Variants in MTMR12 observed in about 807,000 individuals in gnomAD.
MTMR12 encodes myotubularin-related protein 12.
In MTMR12, 33 loss-of-function variants were observed where a neutral mutation model predicts 96.7. The ratio of observed to expected loss-of-function variants is 0.34; its 90% confidence interval spans 0.26 to 0.46. The LOEUF (loss-of-function observed/expected upper bound fraction) is 0.46, where lower values mean the gene tolerates loss of function less well. Among genes scored for constraint, MTMR12 ranks in the 20% least tolerant of loss-of-function variants. The pLI is 1.00. For missense variants in MTMR12, 721 were observed against 896.1 expected, an observed-to-expected ratio of 0.80 and a Z score of 2.49; for synonymous variants, 298 against 327.2, an observed-to-expected ratio of 0.91 and a Z score of 0.96.
intron 3 of MTMR12, among the ~76,000 whole-genome samples, chr5:32,272,111 G>A (rs987003062): frequency 2.2e-4 from 34 of 152,104 alleles, no homozygotes; most frequent in Non-Finnish European, 3.7e-4. Flanking sequence ...CTAACACGGT[G>A]AAACCCCATC....
In MTMR12 at chr5:32,229,567, A is replaced by G. The variant is rs2111967709; in HGVS notation, c.*211T>C. 2 of 427,226 alleles carry G rather than the reference A, an allele frequency of 4.7e-6. No individual in the cohort carries two copies. The highest frequency in any genetic ancestry group is 3.6e-5 in the East Asian group (1 of 27,620). 26.5% of individuals were successfully genotyped at this position (427,226 alleles called of 1,614,324 possible). A position where few individuals can be genotyped will look rare whatever the true frequency, so the allele number is the denominator to read the frequency against. On this transcript the variant is annotated 3_prime_UTR_variant, in exon 16 of 16. Coordinates refer to ENST00000382142, the MANE Select transcript of MTMR12 (RefSeq NM_001040446.3). ...ACGGGTCAAGTAATAATTCCTTCCA[A>G]TTAGTAATACTACAGATGCGGTTTT...
At chr5:32,294,260 C>A (rs1011384514) in intron 1 of MTMR12, among the ~76,000 whole-genome samples, 2 of 152,150 alleles carry the variant, frequency 1.3e-5, no homozygotes, top group Non-Finnish European at 2.9e-5. Flanking sequence ...GCTAGATACC[C>A]AAACCACACT....
At chr5:32,296,403 C>T in intron 1 of MTMR12, 1 of 252,764 alleles carries the variant, frequency 4.0e-6, no homozygotes, top group Non-Finnish European at 8.9e-6. Context: ...TGCTTCAGCC[C>T]AGGAGGTTGA....
chr5:32,252,707 A>G (rs569243273), intron 8 of MTMR12, among the ~76,000 whole-genome samples: 4 of 152,344 alleles, frequency 2.6e-5, no homozygotes, highest in Middle Eastern at 6.8e-3. Flanking sequence ...AACAATAATT[A>G]CCAATTACCT....
At chr5:32,303,830 T>G (rs1751238491) in intron 1 of MTMR12, among the ~76,000 whole-genome samples, 1 of 118,854 alleles carries the variant, frequency 8.4e-6, no homozygotes, top group East Asian at 2.7e-4. Context: ...ACAAACTCAC[T>G]GCCCTCTTTG....
intron 1 of MTMR12, among the ~76,000 whole-genome samples, chr5:32,299,836 T>C (rs1751070048): frequency 6.6e-6 from 1 of 152,196 alleles, no homozygotes; most frequent in South Asian, 2.1e-4. Context: ...TGTCACCCAG[T>C]CCTAACACAG....
intron 7 of MTMR12, among the ~76,000 whole-genome samples, chr5:32,258,471 A>C (rs1315697212): frequency 6.6e-6 from 1 of 152,182 alleles, no homozygotes; most frequent in Non-Finnish European, 1.5e-5. Context: ...GAACTATTAA[A>C]TCAGAAGCTT....
chr5:32,276,636 T>C (rs989133892), intron 2 of MTMR12, 46 bp downstream of exon 2: 8 of 1,504,136 alleles, frequency 5.3e-6, no homozygotes, highest in South Asian at 2.3e-5. Context: ...TAATTTATCA[T>C]TGGCTTTGCC....
chr5:32,285,091 C>A (rs1237329711), intron 1 of MTMR12, among the ~76,000 whole-genome samples: 1 of 152,154 alleles, frequency 6.6e-6, no homozygotes, highest in Non-Finnish European at 1.5e-5. Context: ...GGCACAGTGG[C>A]TCACGCCTGT....
chr5:32,254,742 G>T (rs533540220), intron 8 of MTMR12, among the ~76,000 whole-genome samples: 1 of 152,256 alleles, frequency 6.6e-6, no homozygotes, highest in East Asian at 1.9e-4. Flanking sequence ...TACTCGGGAG[G>T]CTGAGGCAGG....
At chr5:32,297,643 A>C (rs762767028) in intron 1 of MTMR12, among the ~76,000 whole-genome samples, 3 of 151,950 alleles carry the variant, frequency 2.0e-5, no homozygotes, top group Non-Finnish European at 2.9e-5. Flanking sequence ...CATTTCTTGA[A>C]GTGCAGTGAA....
chr5:32,268,724 G>A lies in MTMR12; in HGVS notation c.560C>T (p.Ala187Val), dbSNP rs1259407263. ...ACCTGTATTGTTTTGTGCAGCAGTCGCATAGGAAAACAGAAATAATCGTTT... is the reference window on the plus strand; with the variant it reads ...ACCTGTATTGTTTTGTGCAGCAGTCACATAGGAAAACAGAAATAATCGTTT... ...LLKRLFLFSYATAAQNNTVTD... is the reference protein window; with the variant it reads ...LLKRLFLFSYVTAAQNNTVTD... The change falls in exon 6 of 16, where the codon GCG becomes GTG. Residue 187 changes from alanine to valine, a missense_variant. By Grantham distance (64) the Ala-to-Val change is moderately conservative. Coordinates refer to ENST00000382142, the MANE Select transcript of MTMR12 (RefSeq NM_001040446.3). 6 of 1,613,658 alleles carry A rather than the reference G, an allele frequency of 3.7e-6. No individual in the cohort carries two copies. The highest frequency in any genetic ancestry group is 1.7e-4 in the Middle Eastern group (1 of 6,060).
chr5:32,234,518 G>A (rs1051240873), intron 14 of MTMR12, among the ~76,000 whole-genome samples: 2 of 152,212 alleles, frequency 1.3e-5, no homozygotes, highest in African/African-American at 4.8e-5. Flanking sequence ...AAAATCGGAG[G>A]ACATCTGGTC....
intron 8 of MTMR12, among the ~76,000 whole-genome samples, chr5:32,253,963 C>T (rs921106120): frequency 3.3e-5 from 5 of 152,250 alleles, no homozygotes; most frequent in Non-Finnish European, 5.9e-5. Context: ...TCAGGCTCCT[C>T]ACTCGAATCT....
intron 10 of MTMR12, among the ~76,000 whole-genome samples, chr5:32,244,342 C>T (rs980778875): frequency 1.1e-4 from 16 of 151,542 alleles, no homozygotes; most frequent in African/African-American, 3.1e-4. Context: ...GTAATCCCTG[C>T]ACTTTGGGAG....
rs1747825354 is a variant in MTMR12 at position 32,228,534 on chromosome 5, G to GATATATATATCATATATATGTGATATAT, written c.*1216_*1243dup. 8 of 87,524 alleles carry GATATATATATCATATATATGTGATATAT rather than the reference G, an allele frequency of 9.1e-5. No individual in the cohort carries two copies. The highest frequency in any genetic ancestry group is 2.7e-4 in the African/African-American group (6 of 22,612). The allele number at this position is 87,524 out of a possible 1,614,324, so 5.4% of individuals were successfully genotyped here. A position where few individuals can be genotyped will look rare whatever the true frequency, so the allele number is the denominator to read the frequency against. On this transcript the variant is annotated 3_prime_UTR_variant, in exon 16 of 16. Transcript: ENST00000382142. ...TAAAAAAAATATATATCATATATAT[G>GATATATATATCATATATATGTGATATAT]ATATATATATCATATATATGTGATA...
chr5:32,230,184 T>C lies in MTMR12; in HGVS notation c.1838A>G (p.Tyr613Cys), dbSNP rs764463573. The change falls in exon 16 of 16, where the codon TAT becomes TGT. Residue 613 changes from tyrosine to cysteine, a missense_variant. Coordinates refer to ENST00000382142, the MANE Select transcript of MTMR12 (RefSeq NM_001040446.3). The stretch of plus-strand genomic sequence containing the variant: ...AGTGGACTTGCTATGCCAGCTGTCA[T>C]AGAACTCTCGAAAGTTGTCTTGGAG... The part of the protein sequence containing the change: ...DELQDNFREF[Y>C]DSWHSKSTDY... The C allele has an allele frequency of 3.7e-6, 6 of 1,614,210 alleles. No individual in the cohort carries two copies. Among genetic ancestry groups the C allele is most frequent in the South Asian group, 2.2e-5 (2 of 91,074 alleles).
At chr5:32,260,513 G>A (rs1749323451) in intron 7 of MTMR12, among the ~76,000 whole-genome samples, 1 of 151,792 alleles carries the variant, frequency 6.6e-6, no homozygotes, top group Non-Finnish European at 1.5e-5. Context: ...GGGAACTTAT[G>A]TTAGTATCAA....
chr5:32,272,539 C>A (rs1360066427), intron 3 of MTMR12, among the ~76,000 whole-genome samples: 1 of 151,936 alleles, frequency 6.6e-6, no homozygotes, highest in Admixed American at 6.6e-5. Context: ...TCCACCACTC[C>A]TAGCTAATTT....
Sources: gnomAD v4.1 joint callset for allele counts (sites outside exome capture counted in the v4.1 genomes callset) on GRCh38, gnomAD v4.1.1 for gene constraint, MANE v1.5 for transcripts, NCBI Gene and HGNC (gene_info 2026-07-23, HGNC 2026-07-21) for gene names.